IFI44L: variants seen among roughly 807,000 people sequenced by gnomAD.
IFI44L encodes interferon induced protein 44 like, also known as interferon-induced protein 44-like.
A neutral mutation model predicts 39.3 loss-of-function variants in IFI44L; 40 were observed. The ratio of observed to expected loss-of-function variants is 1.02; its 90% confidence interval spans 0.79 to 1.33. IFI44L has a LOEUF of 1.33. Among genes scored for constraint, IFI44L ranks in the 40% most tolerant of loss-of-function variants. The probability of loss-of-function intolerance (pLI) is 0.00; values close to 1 mark genes in which losing one functional copy is unlikely to be tolerated. For missense variants in IFI44L, 623 were observed against 549.0 expected, an observed-to-expected ratio of 1.13 and a Z score of -1.35; for synonymous variants, 198 against 182.3, an observed-to-expected ratio of 1.09 and a Z score of -0.69.
At chr1:78,629,989 T>C (rs2100487908) in intron 4 of IFI44L, 74 bp downstream of exon 4, 1 of 1,329,928 alleles carries the variant, frequency 7.5e-7, no homozygotes, top group African/African-American at 1.5e-5. Context: ...CCTTTTTCTC[T>C]TAGGGCAATC....
In IFI44L at chr1:78,645,748, G is replaced by A. The variant is rs1298065546; in HGVS notation, c.*3939G>A. 5 of 152,152 alleles carry A rather than the reference G, an allele frequency of 3.3e-5. No individual in the cohort carries two copies. Among genetic ancestry groups the A allele is most frequent in the Non-Finnish European group, 7.3e-5 (5 of 68,034 alleles). The allele number at this position is 152,152 out of a possible 1,614,324, so 9.4% of individuals were successfully genotyped here. A position where few individuals can be genotyped will look rare whatever the true frequency, so the allele number is the denominator to read the frequency against. ...GGAGGACAGTAGATTAAATAGATCT[G>A]ATTTTTGCCATCAATGTAAGGAGGA... is the stretch of plus-strand genomic sequence containing the variant. On this transcript the variant is annotated 3_prime_UTR_variant, in exon 9 of 9. Coordinates refer to ENST00000370751, the MANE Select transcript of IFI44L (RefSeq NM_006820.4).
Position 78,628,107 on chromosome 1 carries a change from T to G in IFI44L, c.192T>G (p.Phe64Leu). 2.5e-6 allele frequency: 4 copies of G among 1,612,740 alleles called. No individual in the cohort carries two copies. The South Asian group carries it at 3.3e-5, about 13-fold the overall frequency. Reference protein sequence around the residue: ...AYIDYNMIVAFMLGNYINLHE... With the variant: ...AYIDYNMIVALMLGNYINLHE... ...TTGATTACAATATGATTGTAGCCTT[T>G]ATGCTTGGAAATTATATTAATTTAC... is the stretch of plus-strand genomic sequence containing the variant. The change falls in exon 2 of 9, where the codon TTT becomes TTG. Residue 64 changes from phenylalanine to leucine, a missense_variant. Phe to Leu is a conservative substitution (Grantham distance 22). Coordinates refer to ENST00000370751, the MANE Select transcript of IFI44L (RefSeq NM_006820.4).
chr1:78,629,992 G>A (rs1442342930), intron 4 of IFI44L, 77 bp downstream of exon 4: 1 of 1,301,620 alleles, frequency 7.7e-7, no homozygotes, highest in Admixed American at 1.8e-5. Flanking sequence ...TTTTCTCTTA[G>A]GGCAATCCTA....
At chr1:78,635,653 G>GTA (rs1435608567) in intron 5 of IFI44L, 164 bp downstream of exon 5, 1 of 637,034 alleles carries the variant, frequency 1.6e-6, no homozygotes, top group Non-Finnish European at 2.7e-6. Context: ...AAAGTAGAGT[G>GTA]ACTATTGTTC....
chr1:78,644,071 T>A lies in IFI44L; in HGVS notation c.*2262T>A. On this transcript the variant is annotated 3_prime_UTR_variant, in exon 9 of 9. Coordinates refer to ENST00000370751, the MANE Select transcript of IFI44L (RefSeq NM_006820.4). ...AAAAAGTAGGGCATGATTTTCTCCATGTAATCCAGGGAGAAAACAAGCCAT... is the reference window on the plus strand; with the variant it reads ...AAAAAGTAGGGCATGATTTTCTCCAAGTAATCCAGGGAGAAAACAAGCCAT... 6.6e-6 allele frequency: 1 copy of A among 152,156 alleles called. No homozygotes were observed. The highest frequency in any genetic ancestry group is 1.9e-4 in the East Asian group (1 of 5,182). The allele number at this position is 152,156 out of a possible 1,614,324, so 9.4% of individuals were successfully genotyped here.
rs1652669991 is a variant in IFI44L, at chr1:78,629,735, T to C, written c.543T>C (p.Leu181=). 1.3e-5 allele frequency: 21 copies of C among 1,611,832 alleles called. No homozygotes were observed. The highest frequency in any genetic ancestry group is 1.8e-5 in the Non-Finnish European group (21 of 1,179,040). ...ATTTTAACAGGCACAGAAATAGGCT[T>C]CTAGCAGACATCAGAGACTATAGGC... ...IIKAREHRNR[L]LADIRDYRPY... Residue 181 remains leucine, a synonymous_variant, in exon 4 of 9, where the codon CTT becomes CTC. Coordinates refer to ENST00000370751, the MANE Select transcript of IFI44L (RefSeq NM_006820.4).
chr1:78,635,623 T>G (rs1652921384), intron 5 of IFI44L, 134 bp downstream of exon 5: 4 of 720,734 alleles, frequency 5.5e-6, no homozygotes. Context: ...CTACTTTGAA[T>G]GAATAAGAAT....
chr1:78,640,386 G>T (rs1225886105), intron 6 of IFI44L, among the ~76,000 whole-genome samples: 3 of 152,090 alleles, frequency 2.0e-5, no homozygotes, highest in Non-Finnish European at 4.4e-5. Context: ...ATGAAGAGAA[G>T]GTAGTAAAGG....
In IFI44L at chr1:78,637,080, TC is replaced by T; in HGVS notation, c.926del (p.Ser309PhefsTer4). The T allele has an allele frequency of 6.2e-7, 1 of 1,612,092 alleles. No individual in the cohort carries two copies. The highest frequency in any genetic ancestry group is 8.5e-7 in the Non-Finnish European group (1 of 1,178,392). ...ITPEHSTFIT[S>X]PSLKDRIHCV... is the part of the protein sequence containing the mutation. ...ACCTGAGCATTCTACTTTTATCACC[TC>T]TCCATCTCTGAAGGACAGGATTCAC... On this transcript the variant is annotated frameshift_variant, in exon 6 of 9. Transcript: ENST00000370751. LOFTEE classifies it high-confidence loss of function.
At chr1:78,641,658 A>G in intron 8 of IFI44L, 49 bp downstream of exon 8, 2 of 1,610,766 alleles carry the variant, frequency 1.2e-6, no homozygotes, top group African/African-American at 1.3e-5. Flanking sequence ...GTGCCTTTTG[A>G]AAAATCCTAA....
intron 6 of IFI44L, among the ~76,000 whole-genome samples, chr1:78,638,200 ATCT>A (rs1281146275): frequency 1.3e-5 from 2 of 152,188 alleles, no homozygotes; most frequent in Non-Finnish European, 2.9e-5. Context: ...GACATTGAAC[ATCT>A]TCTCATGTGC....
At chr1:78,634,140 A>G (rs764029961) in intron 4 of IFI44L, among the ~76,000 whole-genome samples, 24 of 152,152 alleles carry the variant, frequency 1.6e-4, no homozygotes, top group Non-Finnish European at 2.9e-4. Flanking sequence ...AATTAAAAGT[A>G]ATAGAAATCT....
In IFI44L at chr1:78,628,274, A is replaced by G. The variant is rs1054935653; in HGVS notation, c.359A>G (p.Asp120Gly). ...CTGGTGTGTCGTTTATCGAAAACGG[A>G]TATTTTCATTATATGTCGAGATAAT... is the stretch of plus-strand genomic sequence containing the variant. Reference protein sequence around the residue: ...EQLVCRLSKTDIFIICRDNKI... With the variant: ...EQLVCRLSKTGIFIICRDNKI... Residue 120 changes from aspartate to glycine, a missense_variant, in exon 2 of 9, where the codon GAT (aspartate) becomes GGT (glycine). Coordinates refer to ENST00000370751, the MANE Select transcript of IFI44L (RefSeq NM_006820.4). 1 of 1,608,752 alleles carries G rather than the reference A, an allele frequency of 6.2e-7. No individual in the cohort carries two copies. Among genetic ancestry groups the G allele is most frequent in the East Asian group, 2.2e-5 (1 of 44,700 alleles).
rs1647042815 is a variant in IFI44L, at chr1:78,645,875, A to G, written c.*4066A>G. On this transcript the variant is annotated 3_prime_UTR_variant, in exon 9 of 9. Transcript: ENST00000370751. The stretch of plus-strand genomic sequence containing the variant: ...GGATATAGAAGTACAGTCAATGTTC[A>G]GCTGTACCCTCCCACAATCCCACTT... 1 of 152,186 alleles carries G rather than the reference A, an allele frequency of 6.6e-6. No homozygotes were observed. Among genetic ancestry groups the G allele is most frequent in the Non-Finnish European group, 1.5e-5 (1 of 68,046 alleles). 9.4% of individuals were successfully genotyped at this position (152,186 alleles called of 1,614,324 possible).
At position 78,645,689 on chromosome 1, in the gene IFI44L, A is replaced by T. The variant is rs1176923816; in HGVS notation, c.*3880A>T. ...GGGAATTTGGAAGCCCTCAAATCCCATTCCTAATCTGATGAGTCTATGGAC... is the reference window on the plus strand; with the variant it reads ...GGGAATTTGGAAGCCCTCAAATCCCTTTCCTAATCTGATGAGTCTATGGAC... On this transcript the variant is annotated 3_prime_UTR_variant, in exon 9 of 9. Coordinates refer to ENST00000370751, the MANE Select transcript of IFI44L (RefSeq NM_006820.4). 6.6e-6 allele frequency: 1 copy of T among 152,204 alleles called. No homozygotes were observed. The highest frequency in any genetic ancestry group is 1.5e-5 in the Non-Finnish European group (1 of 68,042). 9.4% of individuals were successfully genotyped at this position (152,204 alleles called of 1,614,324 possible). A position where few individuals can be genotyped will look rare whatever the true frequency, so the allele number is the denominator to read the frequency against.
rs1457078770 is a variant in IFI44L, at chr1:78,640,903, A to T, written c.1049-118A>T. On this transcript the variant is annotated intron_variant, in intron 6 of 8. Coordinates refer to ENST00000370751, the MANE Select transcript of IFI44L (RefSeq NM_006820.4). ...GGCTCCATATTGAGATGTATTGGGG[A>T]TATTTCATTCTTCAGCTCTCAAAAT... 2.1e-5 allele frequency: 14 copies of T among 653,140 alleles called. No homozygotes were observed. In the Admixed American group the frequency reaches 3.6e-4, roughly 17 times the overall value. 40.5% of individuals were successfully genotyped at this position (653,140 alleles called of 1,614,324 possible). A position where few individuals can be genotyped will look rare whatever the true frequency, so the allele number is the denominator to read the frequency against.
chr1:78,624,996 G>A (rs1349225088), intron 1 of IFI44L, among the ~76,000 whole-genome samples: 2 of 150,304 alleles, frequency 1.3e-5, no homozygotes, highest in African/African-American at 4.9e-5. Flanking sequence ...GTCTAAGTGA[G>A]TTCTTGGGGA....
At chr1:78,624,182 G>C (rs1652396214) in intron 1 of IFI44L, among the ~76,000 whole-genome samples, 1 of 152,068 alleles carries the variant, frequency 6.6e-6, no homozygotes, top group Admixed American at 6.6e-5. Context: ...TTTTGTTAGA[G>C]ACGGGGCTTT....
intron 4 of IFI44L, among the ~76,000 whole-genome samples, chr1:78,632,765 T>C (rs1368637014): frequency 6.6e-6 from 1 of 152,196 alleles, no homozygotes; most frequent in East Asian, 1.9e-4. Flanking sequence ...AGAGATTGAA[T>C]TGGAGCCACA....
Sources: allele counts gnomAD v4.1 joint callset (sites outside exome capture counted in the v4.1 genomes callset), GRCh38; gene constraint gnomAD v4.1.1; transcripts MANE v1.5; gene names NCBI Gene and HGNC (gene_info 2026-07-23, HGNC 2026-07-21).